The following MARK2 variants were observed in gnomAD, a reference collection of about 807,000 sequenced individuals.
MARK2 encodes serine/threonine-protein kinase MARK2.
A neutral mutation model predicts 89.8 loss-of-function variants in MARK2; 16 were observed. That is an observed-to-expected ratio of 0.18 (90% CI 0.12 to 0.27). The LOEUF (loss-of-function observed/expected upper bound fraction) is 0.27, where lower values mean the gene tolerates loss of function less well. Ranked by LOEUF, MARK2 falls within the 10% of genes least tolerant of loss-of-function variation. The pLI, the probability that MARK2 is intolerant of heterozygous loss-of-function variation, is 1.00. For synonymous variants in MARK2, 382 were observed against 399.5 expected (o/e 0.96, Z 0.52); for missense variants, 621 against 1,049.9 (o/e 0.59, Z 5.65).
At position 63,847,142 on chromosome 11, in the gene MARK2, A is replaced by C. The variant is rs187142013; in HGVS notation, c.54+7582A>C. Among the ~76,000 whole-genome samples the C allele has an allele frequency of 3.9e-5, 6 of 152,318 alleles. 1 individual carries two copies. In the East Asian group the frequency reaches 1.2e-3, roughly 29 times the overall value. On this transcript the variant is annotated intron_variant, in intron 1 of 18. Coordinates refer to ENST00000402010, the MANE Select transcript of MARK2 (RefSeq NM_001039469.3). ...CATCTCAAGATAAATAAGGTTTGTC[A>C]GTCCCTGTGGTGGTTCTTTCCGCAG...
At chr11:63,851,708 C>G (rs560371549) in intron 1 of MARK2, among the ~76,000 whole-genome samples, 2 of 152,204 alleles carry the variant, frequency 1.3e-5, no homozygotes, top group Non-Finnish European at 2.9e-5. Context: ...ACCACCTGGT[C>G]CTTTTGTTCT....
At chr11:63,889,313 C>T (rs1192019260) in intron 1 of MARK2, among the ~76,000 whole-genome samples, 1 of 152,182 alleles carries the variant, frequency 6.6e-6, no homozygotes, top group Non-Finnish European at 1.5e-5. Flanking sequence ...CACTTTTCTC[C>T]CCCAACTCTA....
chr11:63,900,307 A>G lies in MARK2; in HGVS notation c.768+197A>G, dbSNP rs1286422694. Among the ~76,000 whole-genome samples, 1 of 152,154 alleles carries G rather than the reference A, an allele frequency of 6.6e-6. No individual in the cohort carries two copies. The highest frequency in any genetic ancestry group is 1.5e-5 in the Non-Finnish European group (1 of 68,026). ...CTCAGTTCCTTTCTCGAAAGATGGG[A>G]TAAACTGTGTGTGTGTTCATCCCCC... On this transcript the variant is annotated intron_variant, in intron 8 of 18. Transcript: ENST00000402010. The surrounding 1 kb of genome is among the most constrained non-coding windows in gnomAD (Gnocchi z 4.7).
intron 1 of MARK2, among the ~76,000 whole-genome samples, chr11:63,853,342 T>C (rs193143517): frequency 6.6e-6 from 1 of 150,428 alleles, no homozygotes; most frequent in Non-Finnish European, 1.5e-5. Flanking sequence ...GAGGTTGCAG[T>C]GAGCCGAGAT....
chr11:63,847,966 G>A (rs1304489716), intron 1 of MARK2, among the ~76,000 whole-genome samples: 3 of 152,162 alleles, frequency 2.0e-5, no homozygotes, highest in East Asian at 3.8e-4. Context: ...GGGACTGTCT[G>A]TCCAGGCCTG....
At chr11:63,877,883 CAT>C (rs1938860040) in intron 1 of MARK2, among the ~76,000 whole-genome samples, 1 of 152,194 alleles carries the variant, frequency 6.6e-6, no homozygotes, top group African/African-American at 2.4e-5. Flanking sequence ...CATAAGCTGA[CAT>C]ATACTCAGTC....
At chr11:63,890,194 C>G (rs1939721364) in intron 1 of MARK2, 1 of 1,326,864 alleles carries the variant, frequency 7.5e-7, no homozygotes, top group Non-Finnish European at 1.0e-6. Flanking sequence ...CTCTCTTTTC[C>G]CTTTTTCTTT....
At chr11:63,862,863 C>T (rs1378802817) in intron 1 of MARK2, among the ~76,000 whole-genome samples, 3 of 96,710 alleles carry the variant, frequency 3.1e-5, no homozygotes, top group Non-Finnish European at 7.2e-5. Context: ...ACCCCACTCC[C>T]CACCAAAAAA....
In MARK2 at chr11:63,905,026, C is replaced by T. The variant is rs762131308; in HGVS notation, c.1917C>T (p.Thr639=). ...CTGGGAGCATCTTCAGCAAGTTCAC[C>T]TCCAAGTTTGTACGCAGGTAAGCAA... ...GASGSIFSKF[T]SKFVRRNLSF... Residue 639 remains threonine (T), a synonymous_variant, in exon 16 of 19, where the codon ACC becomes ACT. Coordinates refer to ENST00000402010, the MANE Select transcript of MARK2 (RefSeq NM_001039469.3). 6.2e-7 allele frequency: 1 copy of T among 1,613,824 alleles called. No homozygotes were observed. The highest frequency in any genetic ancestry group is 1.3e-5 in the African/African-American group (1 of 75,006).
chr11:63,905,081 C>G, intron 16 of MARK2, 38 bp downstream of exon 16: 2 of 1,583,936 alleles, frequency 1.3e-6, no homozygotes, highest in African/African-American at 1.4e-5. Context: ...AGGCTCAGGC[C>G]AGGCCTTCCT....
At chr11:63,844,898 A>G (rs1456372662) in intron 1 of MARK2, among the ~76,000 whole-genome samples, 1 of 152,206 alleles carries the variant, frequency 6.6e-6, no homozygotes, top group Non-Finnish European at 1.5e-5. Context: ...AGGAGCTTCC[A>G]TGAGGTTCCT....
intron 1 of MARK2, among the ~76,000 whole-genome samples, chr11:63,851,803 T>C (rs904514496): frequency 5.3e-5 from 8 of 152,130 alleles, no homozygotes; most frequent in African/African-American, 7.2e-5. Context: ...GCCACCTCTC[T>C]CAGTAAAGCC....
chr11:63,908,392 T>C, intron 18 of MARK2, 88 bp downstream of exon 18: 2 of 1,147,116 alleles, frequency 1.7e-6, no homozygotes, highest in South Asian at 1.3e-5. Flanking sequence ...GCCACTTGGC[T>C]CTTCCTCCCG....
chr11:63,895,245 G>T lies in MARK2; in HGVS notation c.141G>T (p.Gln47His). ...GRNSATSADE[Q>H]PHIGNYRLLK... ...ACTCAGCCACCTCTGCTGATGAGCA[G>T]CCCCACATTGGAAACTACCGGCTCC... is the stretch of plus-strand genomic sequence containing the variant. The change falls in exon 2 of 19, where the codon CAG becomes CAT. Residue 47 changes from glutamine (Q) to histidine (H), a missense_variant. Coordinates refer to ENST00000402010, the MANE Select transcript of MARK2 (RefSeq NM_001039469.3). 1 of 1,614,158 alleles carries T rather than the reference G, an allele frequency of 6.2e-7. No homozygotes were observed. Among genetic ancestry groups the T allele is most frequent in the Non-Finnish European group, 8.5e-7 (1 of 1,180,030 alleles).
rs2135336579 is a variant in MARK2 at position 63,899,127 on chromosome 11, C to T, written c.531+19C>T. The T allele has an allele frequency of 1.3e-6, 2 of 1,580,212 alleles. No individual in the cohort carries two copies. The highest frequency in any genetic ancestry group is 1.7e-4 in the Middle Eastern group (1 of 6,002). On this transcript the variant is annotated intron_variant, in intron 7 of 18. Coordinates refer to ENST00000402010, the MANE Select transcript of MARK2 (RefSeq NM_001039469.3). Reference sequence around the variant, plus strand: ...CTTAAAGGTAAGGCATGCACTTCTCCTTGTGCCTTTGAGTGGGAGCCAGGT... The same window carrying T: ...CTTAAAGGTAAGGCATGCACTTCTCTTTGTGCCTTTGAGTGGGAGCCAGGT...
intron 4 of MARK2, 74 bp downstream of exon 4, chr11:63,898,354 C>A (rs970090418): frequency 2.1e-6 from 3 of 1,418,860 alleles, no homozygotes. Context: ...ATCTTCTCCC[C>A]GAGGTGCACT....
chr11:63,879,150 C>A (rs1301557225), intron 1 of MARK2, among the ~76,000 whole-genome samples: 1 of 151,752 alleles, frequency 6.6e-6, no homozygotes, highest in Non-Finnish European at 1.5e-5. Flanking sequence ...ACTAAAAATA[C>A]AAAAAAATAA....
At chr11:63,886,869 A>G (rs576158997) in intron 1 of MARK2, among the ~76,000 whole-genome samples, 103 of 152,392 alleles carry the variant, frequency 6.8e-4, no homozygotes, top group African/African-American at 2.5e-3. Context: ...GTCACATTGC[A>G]AAGCCCTAGA....
chr11:63,856,782 T>G (rs1207223096), intron 1 of MARK2, among the ~76,000 whole-genome samples: 168 of 12,580 alleles, frequency 0.013, 3 homozygotes, highest in African/African-American at 0.059. Flanking sequence ...TTTTTTTTTT[T>G]TTTTTTTTTT....
Sources: allele counts gnomAD v4.1 joint callset (sites outside exome capture counted in the v4.1 genomes callset), GRCh38; gene constraint gnomAD v4.1.1; non-coding constraint Gnocchi (gnomAD v3.1); transcripts MANE v1.5; gene names NCBI Gene and HGNC (gene_info 2026-07-23, HGNC 2026-07-21).